TRMT44: variants seen among roughly 807,000 people sequenced by gnomAD.
The protein encoded by TRMT44 is tRNA methyltransferase 44 homolog.
A neutral mutation model predicts 77.3 loss-of-function variants in TRMT44; 78 were observed. The observed-to-expected ratio is 1.01, with a 90% CI of 0.84 to 1.22. The LOEUF (loss-of-function observed/expected upper bound fraction) is 1.22. TRMT44 is among the 50% of genes most tolerant of loss of function. The pLI is 0.00. For synonymous variants in TRMT44, 391 were observed against 383.3 expected (o/e 1.02, Z -0.23); for missense variants, 1,090 against 964.4 (o/e 1.13, Z -1.73).
the TRMT44 span, among the ~76,000 whole-genome samples, chr4:8,502,802 C>T: frequency 6.6e-6 from 1 of 152,212 alleles, no homozygotes; most frequent in Non-Finnish European, 1.5e-5. Flanking sequence ...TCCCAGGTCC[C>T]AGCTCCCAGA....
rs551637356 is a variant in TRMT44 at position 8,463,584 on chromosome 4, C to T, written c.1204-401C>T. ...GTGTTGTATTACGCCCTTAAATCAC[C>T]TTCAGACCTCTCTGCCTTCCATTCA... is the stretch of plus-strand genomic sequence containing the variant. On this transcript the variant is annotated intron_variant, in intron 6 of 10. Transcript: ENST00000389737. Among the ~76,000 whole-genome samples the T allele has an allele frequency of 2.9e-3, 447 of 152,342 alleles. 1 individual carries two copies. Among genetic ancestry groups the T allele is most frequent in the Admixed American group, 5.1e-3 (78 of 15,304 alleles).
At chr4:8,499,522 G>A in the TRMT44 span, among the ~76,000 whole-genome samples, 1 of 139,480 alleles carries the variant, frequency 7.2e-6, no homozygotes, top group African/African-American at 2.7e-5. Context: ...GAGTGTGGGG[G>A]TGGGCAGGGG....
rs925277088 is a variant in TRMT44, at chr4:8,485,916, G to A, written n.3891+6383G>A. Among the ~76,000 whole-genome samples, 27 of 152,286 alleles carry A rather than the reference G, an allele frequency of 1.8e-4. 1 individual carries two copies. The highest frequency in any genetic ancestry group is 6.8e-3 in the Middle Eastern group (2 of 294). ...AACAGGCCCTTGAAAAGAAGGCAACGTGGAGTGGGTAGCCCCCGTATCGAT... is the reference window on the plus strand; with the variant it reads ...AACAGGCCCTTGAAAAGAAGGCAACATGGAGTGGGTAGCCCCCGTATCGAT... On this transcript the variant is annotated intron_variant and non_coding_transcript_variant, in intron 2 of 2. Transcript: ENST00000511366.
chr4:8,503,683 T>A, the TRMT44 span, among the ~76,000 whole-genome samples: 146,334 of 152,314 alleles, frequency 0.96, 70,334 homozygotes, highest in African/African-American at 0.99. Context: ...AGTCAGGTGG[T>A]CACAGGGCTT....
intron 6 of TRMT44, among the ~76,000 whole-genome samples, chr4:8,459,210 TATAC>T (rs904953313): frequency 6.6e-6 from 1 of 152,094 alleles, no homozygotes; most frequent in Non-Finnish European, 1.5e-5. Context: ...CTCCAAAAGT[TATAC>T]ATAGATTCTT....
chr4:8,501,986 CT>C, the TRMT44 span, among the ~76,000 whole-genome samples: 1 of 152,232 alleles, frequency 6.6e-6, no homozygotes, highest in African/African-American at 2.4e-5. This position sits in a 1 kb window ranked among gnomAD's most constrained non-coding sequence, Gnocchi z 4.4. Flanking sequence ...GAAGTAACTC[CT>C]CTCCCAGGAG....
rs774978191 is a variant in TRMT44 at position 8,471,197 on chromosome 4, C to T, written c.2041C>T (p.Gln681Ter). The T allele has an allele frequency of 5.3e-5, 84 of 1,583,948 alleles. No homozygotes were observed. The highest frequency in any genetic ancestry group is 7.0e-5 in the Non-Finnish European group (82 of 1,165,478). The change falls in exon 10 of 11, where the codon CAA becomes TAA. Residue 681 changes from glutamine (Q) to a stop codon, truncating the protein, a stop_gained. Coordinates refer to ENST00000389737, the MANE Select transcript of TRMT44 (RefSeq NM_152544.3). LOFTEE classifies it low-confidence loss of function (END_TRUNC). The part of the protein sequence containing the change: ...TLLRNSHQVF[Q>*]VVNGRVHIRD... Reference sequence around the variant, plus strand: ...GCTCCGGAACAGCCACCAGGTGTTCCAAGGTACGGAGTCCGCCTCTCCCCC... The same window carrying T: ...GCTCCGGAACAGCCACCAGGTGTTCTAAGGTACGGAGTCCGCCTCTCCCCC...
intron 6 of TRMT44, among the ~76,000 whole-genome samples, chr4:8,458,437 CTCTT>C (rs1725946182): frequency 6.6e-6 from 1 of 150,424 alleles, no homozygotes; most frequent in South Asian, 2.1e-4. Context: ...AGTAAATTTT[CTCTT>C]TCTTATGATT....
chr4:8,484,098 C>A (rs1001874347), intron 2 of TRMT44, among the ~76,000 whole-genome samples: 2 of 152,132 alleles, frequency 1.3e-5, no homozygotes, highest in Non-Finnish European at 2.9e-5. Context: ...GTGGCTTGTA[C>A]TATAGCATAG....
chr4:8,484,322 G>A (rs2109220244), intron 2 of TRMT44, among the ~76,000 whole-genome samples: 1 of 152,264 alleles, frequency 6.6e-6, no homozygotes, highest in Non-Finnish European at 1.5e-5. Flanking sequence ...GGTGATTGTG[G>A]GAGACTCAAC....
intron 2 of TRMT44, among the ~76,000 whole-genome samples, chr4:8,486,638 C>T (rs1727813955): frequency 6.6e-6 from 1 of 151,968 alleles, no homozygotes; most frequent in Admixed American, 6.6e-5. Flanking sequence ...GAGCCGTGAA[C>T]TGGGCTGGGT....
At chr4:8,483,779 A>T (rs562202010) in intron 2 of TRMT44, among the ~76,000 whole-genome samples, 1 of 152,326 alleles carries the variant, frequency 6.6e-6, no homozygotes, top group East Asian at 1.9e-4. Flanking sequence ...AAACTGAGGA[A>T]TTGTGTCTGA....
Position 8,446,477 on chromosome 4 carries a change from T to C in TRMT44, c.621T>C (p.Asp207=). 1 of 1,530,752 alleles carries C rather than the reference T, an allele frequency of 6.5e-7. No individual in the cohort carries two copies. The allele number at this position is 1,530,752 out of a possible 1,614,324, so 94.8% of individuals were successfully genotyped here. A position where few individuals can be genotyped will look rare whatever the true frequency, so the allele number is the denominator to read the frequency against. The change falls in exon 2 of 11, where the codon GAT becomes GAC. Residue 207 remains aspartate, a splice_region_variant and synonymous_variant. Transcript: ENST00000389737. This position sits in a 1 kb window ranked among gnomAD's most constrained non-coding sequence, Gnocchi z 4.3. ...TCCTTCTTCTCTTTTTCTTTCCAGA[T>C]GTCCTCAATGGAACCATAACGTTTT... ...TTPRREIVVQ[D]VLNGTITFLP... is the part of the protein sequence containing the mutation.
At chr4:8,487,598 A>C (rs1300356166) in intron 2 of TRMT44, among the ~76,000 whole-genome samples, 2 of 151,908 alleles carry the variant, frequency 1.3e-5, no homozygotes, top group Non-Finnish European at 2.9e-5. Context: ...GCATGGAAAT[A>C]AGGGATTGGG....
intron 9 of TRMT44, among the ~76,000 whole-genome samples, chr4:8,469,022 G>T (rs754839732): frequency 3.0e-4 from 45 of 152,186 alleles, no homozygotes; most frequent in Non-Finnish European, 4.3e-4. Context: ...ATCCCCTCCC[G>T]GCCCCTCCGT....
rs111591614 is a variant in TRMT44 at position 8,451,412 on chromosome 4, C to G, written c.955-548C>G. 3.3e-5 allele frequency among the ~76,000 whole-genome samples: 5 copies of G among 152,318 alleles called. 1 individual carries two copies. The highest frequency in any genetic ancestry group is 1.2e-4 in the African/African-American group (5 of 41,560). ...TGTTTTGCCTAATGCCAGTTCTGAACATGACTAATTTTAATAATGAGAGCT... is the reference window on the plus strand; with the variant it reads ...TGTTTTGCCTAATGCCAGTTCTGAAGATGACTAATTTTAATAATGAGAGCT... On this transcript the variant is annotated intron_variant, in intron 3 of 10. Transcript: ENST00000389737. This position sits in a 1 kb window ranked among gnomAD's most constrained non-coding sequence, Gnocchi z 4.1.
rs953834664 is a variant in TRMT44 at position 8,444,678 on chromosome 4, G to A, written c.620-1798G>A. Among the ~76,000 whole-genome samples the A allele has an allele frequency of 4.6e-5, 7 of 152,206 alleles. No homozygotes were observed. The highest frequency in any genetic ancestry group is 1.4e-4 in the African/African-American group (6 of 41,454). On this transcript the variant is annotated intron_variant, in intron 1 of 10. Coordinates refer to ENST00000389737, the MANE Select transcript of TRMT44 (RefSeq NM_152544.3). The surrounding 1 kb of genome is among the most constrained non-coding windows in gnomAD (Gnocchi z 4.0). Reference sequence around the variant, plus strand: ...CTCCCAAAGTGCCGGGGTTACGGGCGTGAGCCACCTCTCCCGGCCACTATT... The same window carrying A: ...CTCCCAAAGTGCCGGGGTTACGGGCATGAGCCACCTCTCCCGGCCACTATT...
In TRMT44 at chr4:8,468,126, G is replaced by T. The variant is rs757333808; in HGVS notation, c.1707G>T (p.Arg569Ser). The part of the protein sequence containing the change: ...ALDARVGCVT[R>S]AWAAEHGAGP... ...ACGCCAGGGTCGGGTGTGTAACCAG[G>T]GCCTGGGCCGCTGAGCATGGAGCAG... is the stretch of plus-strand genomic sequence containing the variant. The change falls in exon 9 of 11, where the codon AGG (arginine) becomes AGT (serine). Residue 569 changes from arginine (R) to serine (S), a missense_variant. Coordinates refer to ENST00000389737, the MANE Select transcript of TRMT44 (RefSeq NM_152544.3). The T allele has an allele frequency of 1.2e-6, 2 of 1,613,938 alleles. No individual in the cohort carries two copies. The highest frequency in any genetic ancestry group is 2.2e-5 in the South Asian group (2 of 91,078).
At chr4:8,443,081 C>T (rs1228067774) in intron 1 of TRMT44, among the ~76,000 whole-genome samples, 2 of 152,196 alleles carry the variant, frequency 1.3e-5, no homozygotes, top group Non-Finnish European at 1.5e-5. Flanking sequence ...GTACATAGTC[C>T]CCTCTGATGG....
Sources: allele counts gnomAD v4.1 joint callset (sites outside exome capture counted in the v4.1 genomes callset), GRCh38; gene constraint gnomAD v4.1.1; non-coding constraint Gnocchi (gnomAD v3.1); transcripts MANE v1.5; gene names NCBI Gene and HGNC (gene_info 2026-07-23, HGNC 2026-07-21).